Variants in PDXDC1 observed in about 807,000 individuals in gnomAD.
PDXDC1 encodes the protein pyridoxal-dependent decarboxylase domain-containing protein 1.
PDXDC1 carries 42 observed loss-of-function variants against 100.1 expected under a neutral mutation model. The ratio of observed to expected loss-of-function variants is 0.42; its 90% CI spans 0.33 to 0.54. PDXDC1 has a LOEUF of 0.54. Among genes scored for constraint, PDXDC1 ranks in the 20% least tolerant of loss-of-function variants. The pLI, the probability that PDXDC1 is intolerant of heterozygous loss-of-function variation, is 0.10. For synonymous variants in PDXDC1, 260 were observed against 371.7 expected (o/e 0.70, Z 3.46); for missense variants, 636 against 979.2 (o/e 0.65, Z 4.68).
intron 5 of PDXDC1, among the ~76,000 whole-genome samples, chr16:15,005,058 A>G (rs1973958401): frequency 6.6e-6 from 1 of 152,262 alleles, no homozygotes; most frequent in Admixed American, 6.5e-5. Flanking sequence ...TTGTGTTTTT[A>G]TTAGAAAGAA....
intron 8 of PDXDC1, among the ~76,000 whole-genome samples, chr16:15,013,170 T>C (rs1304135709): frequency 6.6e-6 from 1 of 151,114 alleles, no homozygotes; most frequent in Middle Eastern, 3.2e-3. Flanking sequence ...ACTCTGTTTC[T>C]GTAAAAAATA....
rs2048216643 is a variant in PDXDC1, at chr16:15,133,717, C to A, written c.1400-5162C>A. 2.5e-6 allele frequency: 4 copies of A among 1,605,272 alleles called. No homozygotes were observed. In the Admixed American group the frequency reaches 6.7e-5, roughly 27 times the overall value. On this transcript the variant is annotated intron_variant, in intron 16 of 16. Coordinates refer to the PDXDC1 transcript ENST00000535621. ...CGTCATGCCAGCCTGAGGGACGGTC[C>A]CCATGGCATCACGGGAGGGCTCCGT...
intron 16 of PDXDC1, among the ~76,000 whole-genome samples, chr16:15,068,432 C>G (rs1169793964): frequency 1.3e-5 from 2 of 152,150 alleles, no homozygotes; most frequent in East Asian, 3.8e-4. Context: ...GATAGTCACA[C>G]AGTATATGGC....
intron 12 of PDXDC1, among the ~76,000 whole-genome samples, chr16:15,020,956 G>C (rs1296145412): frequency 6.6e-6 from 1 of 151,806 alleles, no homozygotes; most frequent in African/African-American, 2.4e-5. Context: ...CTGCACTCCA[G>C]CCTGGGTGGC....
intron 16 of PDXDC1, among the ~76,000 whole-genome samples, chr16:15,109,725 A>T (rs1252890117): frequency 1.5e-5 from 2 of 135,970 alleles, no homozygotes; most frequent in Non-Finnish European, 3.1e-5. Context: ...GGCGGCACAC[A>T]CCTGTAATCC....
At chr16:15,035,919 G>A in intron 22 of PDXDC1, 97 bp from the exon 23 acceptor site, 2 of 1,279,766 alleles carry the variant, frequency 1.6e-6, no homozygotes, top group Non-Finnish European at 2.2e-6. Context: ...TGCTGAAGCT[G>A]TGTTGTGAAA....
chr16:15,141,470 G>A (rs1318697419), downstream of PDXDC1, among the ~76,000 whole-genome samples: 2 of 152,236 alleles, frequency 1.3e-5, no homozygotes, highest in Admixed American at 1.3e-4. Flanking sequence ...ATCTGCGGAT[G>A]GAGGGCACGG....
intron 15 of PDXDC1, chr16:15,029,225 G>A (rs1231912174): frequency 4.9e-6 from 3 of 611,958 alleles, no homozygotes; most frequent in Non-Finnish European, 8.7e-6. Context: ...CAGGCAAAAG[G>A]TGGGCTGCAG....
chr16:15,147,337 G>C, the PDXDC1 span, among the ~76,000 whole-genome samples: 1 of 152,200 alleles, frequency 6.6e-6, no homozygotes, highest in South Asian at 2.1e-4. Context: ...GCGGCTGCAG[G>C]GGTCTGCCCC....
At chr16:15,128,343 C>A in intron 16 of PDXDC1, 2 of 1,608,844 alleles carry the variant, frequency 1.2e-6, no homozygotes, top group Non-Finnish European at 1.7e-6. Flanking sequence ...GGTGGCCGCT[C>A]CGGCTGTCCA....
In PDXDC1 at chr16:15,127,751, G is replaced by T. The variant is rs772908464; in HGVS notation, c.1400-11128G>T. 197 of 1,546,968 alleles carry T rather than the reference G, an allele frequency of 1.3e-4. 1 individual carries two copies. Among genetic ancestry groups the T allele is most frequent in the Non-Finnish European group, 5.2e-6 (6 of 1,144,810 alleles). On this transcript the variant is annotated intron_variant, in intron 16 of 16. Coordinates refer to the PDXDC1 transcript ENST00000535621. ...TTGGCGCCCAGGAAGAGGCAGATGAGGAGAACGCAGCAGGTGGCCCTCTGG... is the reference window on the plus strand; with the variant it reads ...TTGGCGCCCAGGAAGAGGCAGATGATGAGAACGCAGCAGGTGGCCCTCTGG...
chr16:15,088,342 T>C (rs1315917858), intron 16 of PDXDC1, among the ~76,000 whole-genome samples: 2 of 151,778 alleles, frequency 1.3e-5, no homozygotes, highest in South Asian at 2.1e-4. Flanking sequence ...TAGCACATGC[T>C]TGTGGTCCCA....
chr16:15,141,199 C>G (rs549307307), downstream of PDXDC1, among the ~76,000 whole-genome samples: 5 of 152,220 alleles, frequency 3.3e-5, no homozygotes, highest in African/African-American at 1.2e-4. Flanking sequence ...ACCGGAGCTC[C>G]GCTCCCGCAG....
chr16:15,131,702 G>A (rs2151916852), intron 16 of PDXDC1: 11 of 1,541,554 alleles, frequency 7.1e-6, no homozygotes, highest in East Asian at 2.4e-5. Context: ...AGGTGGATGA[G>A]GTCTCCTGCA....
intron 1 of PDXDC1, among the ~76,000 whole-genome samples, chr16:14,991,980 C>T (rs1331051459): frequency 2.6e-5 from 4 of 152,286 alleles, no homozygotes; most frequent in South Asian, 2.1e-4. Flanking sequence ...CAACTTTAGA[C>T]CCGTGGTCTA....
At position 15,029,075 on chromosome 16, in the gene PDXDC1, G is replaced by C. The variant is rs1352994813; in HGVS notation, c.1293+109G>C. The C allele has an allele frequency of 2.4e-6, 3 of 1,261,912 alleles. No individual in the cohort carries two copies. In the African/African-American group the frequency reaches 4.5e-5, roughly 19 times the overall value. The allele number at this position is 1,261,912 out of a possible 1,614,324, so 78.2% of individuals were successfully genotyped here. A position where few individuals can be genotyped will look rare whatever the true frequency, so the allele number is the denominator to read the frequency against. On this transcript the variant is annotated intron_variant, in intron 15 of 22. Transcript: ENST00000396410. ...GTATGGGAACTGAGGCCCACAGGAGGAGCCGCCCTGCCAGTGCTGGGCCTG... is the reference window on the plus strand; with the variant it reads ...GTATGGGAACTGAGGCCCACAGGAGCAGCCGCCCTGCCAGTGCTGGGCCTG...
At chr16:15,051,144 G>A (rs998124844) in intron 16 of PDXDC1, among the ~76,000 whole-genome samples, 1 of 152,246 alleles carries the variant, frequency 6.6e-6, no homozygotes, top group East Asian at 1.9e-4. Flanking sequence ...AGAGAAGGGA[G>A]GGCGCAAAGG....
intron 16 of PDXDC1, chr16:15,072,887 T>G: frequency 1.3e-6 from 2 of 1,572,312 alleles, no homozygotes. Flanking sequence ...CCCCAGTTTT[T>G]AGGGAAAATT....
rs925197503 is a variant in PDXDC1 at position 15,037,727 on chromosome 16, AC to A, written c.*1455del. ...TTATAAATCTTATTACAAAAGACTT[AC>A]CCACGTACCTGAAATAGCTGCCGAT... is the stretch of plus-strand genomic sequence containing the variant. On this transcript the variant is annotated 3_prime_UTR_variant, in exon 23 of 23. Coordinates refer to ENST00000396410, the MANE Select transcript of PDXDC1 (RefSeq NM_015027.4). 4.0e-6 allele frequency: 1 copy of A among 250,134 alleles called. No individual in the cohort carries two copies. The highest frequency in any genetic ancestry group is 2.2e-5 in the African/African-American group (1 of 45,202). The allele number at this position is 250,134 out of a possible 1,614,324, so 15.5% of individuals were successfully genotyped here. A position where few individuals can be genotyped will look rare whatever the true frequency, so the allele number is the denominator to read the frequency against.
Sources: allele counts gnomAD v4.1 joint callset (sites outside exome capture counted in the v4.1 genomes callset), GRCh38; gene constraint gnomAD v4.1.1; transcripts MANE v1.5; gene names NCBI Gene and HGNC (gene_info 2026-07-23, HGNC 2026-07-21).